CFAP20DC: variants seen among roughly 807,000 people sequenced by gnomAD.
The protein encoded by CFAP20DC is protein CFAP20DC.
A neutral mutation model predicts 101.7 loss-of-function variants in CFAP20DC; 84 were observed. The observed-to-expected ratio is 0.83, with a 90% CI of 0.69 to 0.99. The LOEUF (loss-of-function observed/expected upper bound fraction) is 0.99. CFAP20DC is among the 50% of genes least tolerant of loss of function. CFAP20DC has a pLI of 0.00. For missense variants in CFAP20DC, 1,007 were observed against 970.3 expected, an observed-to-expected ratio of 1.04 and a Z score of -0.50; for synonymous variants, 359 against 351.2, an observed-to-expected ratio of 1.02 and a Z score of -0.25.
At chr3:58,741,974 G>T, downstream of CFAP20DC, 2 of 589,676 alleles carry the variant, frequency 3.4e-6, no homozygotes, top group Non-Finnish European at 4.3e-6. Flanking sequence ...GGAAAAGAAA[G>T]TGGGGTGAAT....
intron 4 of CFAP20DC, among the ~76,000 whole-genome samples, chr3:59,013,813 T>G (rs914044146): frequency 4.6e-5 from 7 of 152,164 alleles, no homozygotes; most frequent in Non-Finnish European, 8.8e-5. Flanking sequence ...GATGGCTACA[T>G]GCACAATTAC....
In CFAP20DC at chr3:58,859,457, T is replaced by C. The variant is rs953249857; in HGVS notation, c.1593+4101A>G. ...TACAAGCAAATGCTTATCTGCAAGATGTCTATCATTTAGCAAAAATGGTAG... is the reference window on the plus strand; with the variant it reads ...TACAAGCAAATGCTTATCTGCAAGACGTCTATCATTTAGCAAAAATGGTAG... On this transcript the variant is annotated intron_variant, in intron 12 of 16. Coordinates refer to ENST00000482387, the MANE Select transcript of CFAP20DC (RefSeq NM_001394063.1). The surrounding 1 kb of genome is among the most constrained non-coding windows in gnomAD (Gnocchi z 4.1). 1.3e-5 allele frequency among the ~76,000 whole-genome samples: 2 copies of C among 152,262 alleles called. No individual in the cohort carries two copies. Among genetic ancestry groups the C allele is most frequent in the African/African-American group, 2.4e-5 (1 of 41,472 alleles).
At chr3:59,030,585 T>TAA (rs1249725550) in intron 4 of CFAP20DC, among the ~76,000 whole-genome samples, 1 of 152,190 alleles carries the variant, frequency 6.6e-6, no homozygotes, top group Non-Finnish European at 1.5e-5. Context: ...TCCATGTAGA[T>TAA]AAGAGAACAA....
chr3:58,803,190 C>T (rs1001119448), intron 15 of CFAP20DC, among the ~76,000 whole-genome samples: 6 of 152,192 alleles, frequency 3.9e-5, no homozygotes, highest in Admixed American at 2.0e-4. Flanking sequence ...GTCACCATCA[C>T]GCTTTCCTCT....
chr3:58,837,493 G>A (rs2076818174), intron 13 of CFAP20DC, among the ~76,000 whole-genome samples: 1 of 152,156 alleles, frequency 6.6e-6, no homozygotes, highest in Admixed American at 6.5e-5. Context: ...TGGGGCTTCT[G>A]GGGTACTGAT....
chr3:58,759,626 T>C (rs1044802000), intron 15 of CFAP20DC, among the ~76,000 whole-genome samples: 1 of 152,218 alleles, frequency 6.6e-6, no homozygotes, highest in Non-Finnish European at 1.5e-5. Flanking sequence ...ATGTCCTGGA[T>C]GGTATTGCCT....
intron 4 of CFAP20DC, among the ~76,000 whole-genome samples, chr3:58,958,620 CTGA>C (rs1331224656): frequency 2.6e-5 from 4 of 152,176 alleles, no homozygotes; most frequent in Non-Finnish European, 4.4e-5. Context: ...TCACCAACAC[CTGA>C]TATTATATTT....
chr3:58,817,485 T>A (rs1383383742), intron 14 of CFAP20DC, among the ~76,000 whole-genome samples: 1 of 145,634 alleles, frequency 6.9e-6, no homozygotes, highest in Non-Finnish European at 1.5e-5. Context: ...GAGAACTACG[T>A]GAAGAATGCA....
At chr3:58,870,587 C>CT (rs2080087719) in intron 7 of CFAP20DC, among the ~76,000 whole-genome samples, 1 of 150,960 alleles carries the variant, frequency 6.6e-6, no homozygotes, top group South Asian at 2.1e-4. Flanking sequence ...CAAAGTTTTT[C>CT]TTTAAAAAAA....
intron 14 of CFAP20DC, among the ~76,000 whole-genome samples, chr3:58,807,112 G>C (rs1194004351): frequency 4.6e-5 from 7 of 152,190 alleles, no homozygotes; most frequent in African/African-American, 1.7e-4. Flanking sequence ...AGGCCTGCCT[G>C]CCTCTGTAGG....
rs1330631260 is a variant in CFAP20DC, at chr3:58,728,567, T to C, written c.198-10939A>G. ...GGAAGGCAGGCACAGATTGGGTCAG[T>C]TGATTATTCTGTGCTGAGCTAGCAC... On this transcript the variant is annotated intron_variant, in intron 3 of 3. Coordinates refer to the CFAP20DC transcript ENST00000486145. This position sits in a 1 kb window ranked among gnomAD's most constrained non-coding sequence, Gnocchi z 4.7. 2.0e-5 allele frequency among the ~76,000 whole-genome samples: 3 copies of C among 152,208 alleles called. No individual in the cohort carries two copies. The highest frequency in any genetic ancestry group is 4.8e-5 in the African/African-American group (2 of 41,454).
intron 16 of CFAP20DC, among the ~76,000 whole-genome samples, chr3:58,746,428 A>AT (rs1359712831): frequency 6.6e-6 from 1 of 152,130 alleles, no homozygotes; most frequent in African/African-American, 2.4e-5. Context: ...AAAAAGATAC[A>AT]TTTTTAAGCT....
At chr3:58,931,161 A>G (rs954098198) in intron 5 of CFAP20DC, among the ~76,000 whole-genome samples, 6 of 152,050 alleles carry the variant, frequency 3.9e-5, no homozygotes, top group African/African-American at 1.2e-4. Context: ...ACGGAGTCTC[A>G]CTGAATGCTA....
intron 6 of CFAP20DC, among the ~76,000 whole-genome samples, chr3:58,898,902 CTCTTTG>C (rs2082899507): frequency 6.7e-6 from 1 of 149,916 alleles, no homozygotes; most frequent in African/African-American, 2.5e-5. Flanking sequence ...TTGTTGTTTT[CTCTTTG>C]TTTTTTTTTT....
At chr3:58,767,086 A>C (rs1165402448) in intron 15 of CFAP20DC, among the ~76,000 whole-genome samples, 4 of 152,204 alleles carry the variant, frequency 2.6e-5, no homozygotes, top group Non-Finnish European at 4.4e-5. Flanking sequence ...AGTTCCTGGC[A>C]CACAGTAGCT....
chr3:58,820,868 C>G (rs1480190427), intron 14 of CFAP20DC, among the ~76,000 whole-genome samples: 15 of 149,746 alleles, frequency 1.0e-4, no homozygotes, highest in Non-Finnish European at 2.2e-4. Context: ...AAAGCTGGAG[C>G]CATCACACTA....
At chr3:58,941,851 C>A (rs929450006) in intron 4 of CFAP20DC, among the ~76,000 whole-genome samples, 3 of 152,142 alleles carry the variant, frequency 2.0e-5, no homozygotes, top group Non-Finnish European at 4.4e-5. Context: ...CCACTGTGCC[C>A]GGCCCTTTCA....
At chr3:58,806,545 T>G in intron 14 of CFAP20DC, 89 bp from the exon 15 acceptor site, 4 of 937,686 alleles carry the variant, frequency 4.3e-6, no homozygotes, top group Non-Finnish European at 5.2e-6. Context: ...TGTAACTGTT[T>G]CCTCAGACAC....
chr3:58,963,362 T>C (rs2108263828), intron 4 of CFAP20DC, among the ~76,000 whole-genome samples: 1 of 152,202 alleles, frequency 6.6e-6, no homozygotes, highest in East Asian at 1.9e-4. Flanking sequence ...CTGAGTTCCT[T>C]ACTCTACCAT....
Sources: gnomAD v4.1 joint callset for allele counts (sites outside exome capture counted in the v4.1 genomes callset) on GRCh38, gnomAD v4.1.1 for gene constraint, Gnocchi (gnomAD v3.1) non-coding constraint, MANE v1.5 for transcripts, NCBI Gene and HGNC (gene_info 2026-07-23, HGNC 2026-07-21) for gene names.